PAQR3: variants seen among roughly 807,000 people sequenced by gnomAD.
PAQR3 encodes the protein Raf kinase trapping to Golgi.
Under a neutral mutation model 41.7 loss-of-function variants are expected in PAQR3, and 39 were observed. The observed-to-expected ratio is 0.93, with a 90% confidence interval of 0.72 to 1.22. The LOEUF (loss-of-function observed/expected upper bound fraction) is 1.22. Among genes scored for constraint, PAQR3 ranks in the 50% most tolerant of loss-of-function variants. The probability of loss-of-function intolerance (pLI) is 0.00; values close to 1 mark genes in which losing one functional copy is unlikely to be tolerated. For missense variants in PAQR3, 366 were observed against 385.6 expected (o/e 0.95, Z 0.42); for synonymous variants, 140 against 140.6 (o/e 1.00, Z 0.03).
intron 11 of PAQR3, among the ~76,000 whole-genome samples, chr4:78,900,760 A>T (rs1733955155): frequency 6.6e-6 from 1 of 152,162 alleles, no homozygotes; most frequent in African/African-American, 2.4e-5. Context: ...TCTCTTCTTA[A>T]TTTTAAACAT....
Position 78,919,498 on chromosome 4 carries a change from T to C in PAQR3, c.*1041A>G, listed in dbSNP as rs2110129567. On this transcript the variant is annotated 3_prime_UTR_variant, in exon 6 of 6. Coordinates refer to ENST00000512733, the MANE Select transcript of PAQR3 (RefSeq NM_001040202.2). Reference sequence around the variant, plus strand: ...TCAAGATTCTGAGTTATCAATGCAATGCTAACACATGCAGAAACCGAGGAC... The same window carrying C: ...TCAAGATTCTGAGTTATCAATGCAACGCTAACACATGCAGAAACCGAGGAC... The C allele has an allele frequency of 1.0e-6, 1 of 985,180 alleles. No individual in the cohort carries two copies. Among genetic ancestry groups the C allele is most frequent in the Non-Finnish European group, 1.2e-6 (1 of 829,802 alleles). 61.0% of individuals were successfully genotyped at this position (985,180 alleles called of 1,614,324 possible). A position where few individuals can be genotyped will look rare whatever the true frequency, so the allele number is the denominator to read the frequency against.
chr4:78,897,859 T>C (rs1358231424), intron 11 of PAQR3, among the ~76,000 whole-genome samples: 4 of 152,210 alleles, frequency 2.6e-5, no homozygotes, highest in Non-Finnish European at 1.5e-5. Context: ...ATTACAGCCC[T>C]TGCCTCTCAA....
chr4:78,904,163 A>G (rs1734166187), intron 11 of PAQR3, among the ~76,000 whole-genome samples: 1 of 151,932 alleles, frequency 6.6e-6, no homozygotes, highest in Non-Finnish European at 1.5e-5. Flanking sequence ...CTTTGAAACG[A>G]TAGGAAGTCA....
At chr4:78,929,134 G>A (rs1052019017) in intron 3 of PAQR3, among the ~76,000 whole-genome samples, 7 of 152,158 alleles carry the variant, frequency 4.6e-5, no homozygotes, top group African/African-American at 1.7e-4. Context: ...AACAGGCCAC[G>A]GACAGCTTCT....
chr4:78,905,804 G>T (rs12647524), intron 11 of PAQR3, among the ~76,000 whole-genome samples: 10,486 of 151,920 alleles, frequency 0.069, 504 homozygotes, highest in East Asian at 0.22. Flanking sequence ...ATAGTGGGAA[G>T]ATCTGAAATT....
In PAQR3 at chr4:78,914,628, C is replaced by T. The variant is rs931267768; in HGVS notation, c.*5911G>A. On this transcript the variant is annotated 3_prime_UTR_variant, in exon 6 of 6. Transcript: ENST00000512733. Reference sequence around the variant, plus strand: ...AGTGCTTAACACAGTACCTGGCACACAGCACTCAATAAAAGTTTGGCTCTA... The same window carrying T: ...AGTGCTTAACACAGTACCTGGCACATAGCACTCAATAAAAGTTTGGCTCTA... 4 of 151,776 alleles carry T rather than the reference C, an allele frequency of 2.6e-5. No homozygotes were observed. The highest frequency in any genetic ancestry group is 9.7e-5 in the African/African-American group (4 of 41,340). The allele number at this position is 151,776 out of a possible 1,614,324, so 9.4% of individuals were successfully genotyped here.
chr4:78,888,352 A>G (rs931106258), intron 11 of PAQR3, among the ~76,000 whole-genome samples: 1 of 152,180 alleles, frequency 6.6e-6, no homozygotes, highest in African/African-American at 2.4e-5. Context: ...TATACCCCCA[A>G]TACCCTGGGT....
At chr4:78,890,211 TC>T (rs1480757535) in intron 11 of PAQR3, among the ~76,000 whole-genome samples, 1 of 152,078 alleles carries the variant, frequency 6.6e-6, no homozygotes, top group Non-Finnish European at 1.5e-5. Flanking sequence ...TCCCTCCCAG[TC>T]CCCTTTTCCT....
chr4:78,891,414 GC>G (rs1252300909), intron 11 of PAQR3, among the ~76,000 whole-genome samples: 1 of 152,040 alleles, frequency 6.6e-6, no homozygotes, highest in African/African-American at 2.4e-5. Context: ...TACTTATTTA[GC>G]CTGGAAACTT....
downstream of PAQR3, chr4:78,911,256 T>G: frequency 6.2e-7 from 1 of 1,613,988 alleles, no homozygotes; most frequent in Non-Finnish European, 8.5e-7. Flanking sequence ...AGGCGCCTTT[T>G]AGCAAGAAGG....
chr4:78,888,120 C>G (rs1424585359), exon 12 of PAQR3: 2 of 152,170 alleles, frequency 1.3e-5, no homozygotes, highest in Admixed American at 1.3e-4. Flanking sequence ...CATTGAACAG[C>G]TTTTCAACAT....
At chr4:78,899,980 G>A (rs1325320974) in intron 11 of PAQR3, among the ~76,000 whole-genome samples, 1 of 152,150 alleles carries the variant, frequency 6.6e-6, no homozygotes, top group Non-Finnish European at 1.5e-5. Context: ...AGTGAGTGTT[G>A]ATATATACAG....
chr4:78,922,023 C>G, intron 5 of PAQR3: 1 of 1,012,262 alleles, frequency 9.9e-7, no homozygotes, highest in Non-Finnish European at 1.2e-6. Context: ...CTAAAACCCA[C>G]TATGGTCATA....
chr4:78,914,240 A>G lies in PAQR3; in HGVS notation c.*6299T>C, dbSNP rs949445861. 5.9e-5 allele frequency: 9 copies of G among 152,204 alleles called. No homozygotes were observed. The highest frequency in any genetic ancestry group is 1.9e-4 in the African/African-American group (8 of 41,566). The allele number at this position is 152,204 out of a possible 1,614,324, so 9.4% of individuals were successfully genotyped here. On this transcript the variant is annotated 3_prime_UTR_variant, in exon 6 of 6. Coordinates refer to ENST00000512733, the MANE Select transcript of PAQR3 (RefSeq NM_001040202.2). ...TACCTAGAGTTTTACTTGCTTTTCA[A>G]TACACTGAATAATTTTAAATGATTC...
At chr4:78,901,896 A>G (rs148573882) in intron 11 of PAQR3, among the ~76,000 whole-genome samples, 138 of 152,334 alleles carry the variant, frequency 9.1e-4, no homozygotes, top group African/African-American at 3.2e-3. Context: ...GAACTTCCTC[A>G]ATGCTCCCAA....
In PAQR3 at chr4:78,913,478, C is replaced by T. The variant is rs867101524; in HGVS notation, c.*7061G>A. On this transcript the variant is annotated 3_prime_UTR_variant, in exon 6 of 6. Coordinates refer to ENST00000512733, the MANE Select transcript of PAQR3 (RefSeq NM_001040202.2). ...ACTATTTTAAGATATAATTGTGCTG[C>T]GCTATCAGATTAACATTTGGAAGTT... is the stretch of plus-strand genomic sequence containing the variant. 6.6e-5 allele frequency: 10 copies of T among 152,114 alleles called. No individual in the cohort carries two copies. The highest frequency in any genetic ancestry group is 2.2e-4 in the African/African-American group (9 of 41,430). The allele number at this position is 152,114 out of a possible 1,614,324, so 9.4% of individuals were successfully genotyped here.
rs3811766 is a variant in PAQR3, at chr4:78,919,344, T to G, written c.*1195A>C. On this transcript the variant is annotated 3_prime_UTR_variant, in exon 6 of 6. Transcript: ENST00000512733. ...TTTATGAATGTCTACTTTAAGGGAT[T>G]TAACTAATGCATATGAAAGACCAAA... 0.046 allele frequency: 45,149 copies of G among 983,276 alleles called. 1,333 individuals carry two copies. Among genetic ancestry groups the G allele is most frequent in the East Asian group, 0.22 (1,954 of 8,790 alleles). 60.9% of individuals were successfully genotyped at this position (983,276 alleles called of 1,614,324 possible).
Position 78,916,288 on chromosome 4 carries a change from T to C in PAQR3, c.*4251A>G, listed in dbSNP as rs1214961071. On this transcript the variant is annotated 3_prime_UTR_variant, in exon 6 of 6. Transcript: ENST00000512733. The stretch of plus-strand genomic sequence containing the variant: ...TGTTTGAAATTTAAAGTTATTTTCT[T>C]ACTGTATTTATCATACCTGTTTTAA... 6.6e-6 allele frequency: 1 copy of C among 151,990 alleles called. No homozygotes were observed. The highest frequency in any genetic ancestry group is 2.4e-5 in the African/African-American group (1 of 41,446). 9.4% of individuals were successfully genotyped at this position (151,990 alleles called of 1,614,324 possible).
In PAQR3 at chr4:78,918,246, TTAATC is replaced by T. The variant is rs1735285777; in HGVS notation, c.*2288_*2292del. ...CTGGATAGTATATTTTAATCTTACT[TTAATC>T]TATAAAAACAAAAATAACTTAAATA... On this transcript the variant is annotated 3_prime_UTR_variant, in exon 6 of 6. Transcript: ENST00000512733. The T allele has an allele frequency of 6.2e-5, 57 of 925,832 alleles. No individual in the cohort carries two copies. The highest frequency in any genetic ancestry group is 7.2e-5 in the Non-Finnish European group (56 of 775,466). 57.4% of individuals were successfully genotyped at this position (925,832 alleles called of 1,614,324 possible). A position where few individuals can be genotyped will look rare whatever the true frequency, so the allele number is the denominator to read the frequency against.
Sources: allele counts gnomAD v4.1 joint callset (sites outside exome capture counted in the v4.1 genomes callset), GRCh38; gene constraint gnomAD v4.1.1; transcripts MANE v1.5; gene names NCBI Gene and HGNC (gene_info 2026-07-23, HGNC 2026-07-21).